Variants in REXO5 observed in about 807,000 individuals in gnomAD.
The protein encoded by REXO5 is exonuclease NEF-sp.
In REXO5, 48 loss-of-function variants were observed where a neutral mutation model predicts 88.5. The observed-to-expected ratio is 0.54, with a 90% confidence interval of 0.43 to 0.69. The LOEUF (loss-of-function observed/expected upper bound fraction) is 0.69, where lower values mean the gene tolerates loss of function less well. REXO5 is among the 30% of genes least tolerant of loss of function. REXO5 has a pLI of 0.00. For synonymous variants in REXO5, 311 were observed against 336.5 expected, an observed-to-expected ratio of 0.92 and a Z score of 0.83; for missense variants, 749 against 912.2, an observed-to-expected ratio of 0.82 and a Z score of 2.30.
At chr16:20,807,767 A>AC (rs943260472) in intron 2 of REXO5, among the ~76,000 whole-genome samples, 5 of 151,858 alleles carry the variant, frequency 3.3e-5, no homozygotes, top group South Asian at 2.1e-4. Flanking sequence ...ACAAAACAAA[A>AC]AAAAAACTGC....
intron 13 of REXO5, among the ~76,000 whole-genome samples, chr16:20,834,809 T>G (rs1316112976): frequency 6.6e-6 from 1 of 152,232 alleles, no homozygotes; most frequent in Non-Finnish European, 1.5e-5. Flanking sequence ...TGTTCTATTT[T>G]GTATCTTCCA....
chr16:20,815,542 A>AC (rs1567384668), intron 4 of REXO5, among the ~76,000 whole-genome samples: 1 of 85,196 alleles, frequency 1.2e-5, no homozygotes, highest in African/African-American at 3.4e-5. Context: ...CTGGGTCACC[A>AC]TTTTTTTTGC....
chr16:20,843,252 A>C (rs1437138594), intron 15 of REXO5, among the ~76,000 whole-genome samples: 1 of 151,532 alleles, frequency 6.6e-6, no homozygotes, highest in Non-Finnish European at 1.5e-5. Flanking sequence ...GAATTGTAGG[A>C]TTTCTCTGTA....
At position 20,828,438 on chromosome 16, in the gene REXO5, G is replaced by T. The variant is rs892241853; in HGVS notation, c.1059G>T (p.Lys353Asn). 6.2e-7 allele frequency: 1 copy of T among 1,606,914 alleles called. No individual in the cohort carries two copies. The highest frequency in any genetic ancestry group is 1.3e-5 in the African/African-American group (1 of 74,906). Residue 353 changes from lysine to asparagine, a missense_variant, in exon 11 of 20, where the codon AAG becomes AAT. Physicochemically the swap from Lys to Asn is moderately conservative, Grantham distance 94 (BLOSUM62 0). Transcript: ENST00000261377. Reference protein sequence around the residue: ...LKFLAKVILGKDIQCPDRLGH... With the variant: ...LKFLAKVILGNDIQCPDRLGH... ...CAATTTTATATTGACTTTCCAGGAA[G>T]GATATACAGTGTCCAGACAGACTTG...
chr16:20,833,222 C>G (rs778153809), intron 13 of REXO5, 99 bp downstream of exon 13: 41 of 1,288,752 alleles, frequency 3.2e-5, no homozygotes, highest in Non-Finnish European at 4.1e-5. Context: ...CATCAGCAAC[C>G]CTGGCTACAG....
At position 20,816,218 on chromosome 16, in the gene REXO5, G is replaced by C. The variant is rs1375884957; in HGVS notation, c.475+6G>C. The C allele has an allele frequency of 6.2e-7, 1 of 1,602,630 alleles. No homozygotes were observed. Among genetic ancestry groups the C allele is most frequent in the Non-Finnish European group, 8.5e-7 (1 of 1,170,172 alleles). ...TCTGCCCAAGACAATGGAAGGTATA[G>C]CTATGATGCTGGTTTGATGCTTTGC... On this transcript the variant is annotated splice_donor_region_variant and intron_variant, in intron 5 of 19. Transcript: ENST00000261377.
Position 20,816,230 on chromosome 16 carries a change from G to A in REXO5, c.475+18G>A. 6.3e-7 allele frequency: 1 copy of A among 1,579,846 alleles called. No individual in the cohort carries two copies. Among genetic ancestry groups the A allele is most frequent in the Non-Finnish European group, 8.7e-7 (1 of 1,150,578 alleles). ...AATGGAAGGTATAGCTATGATGCTG[G>A]TTTGATGCTTTGCTCACTCTAAAAG... is the stretch of plus-strand genomic sequence containing the variant. On this transcript the variant is annotated intron_variant, in intron 5 of 19. Coordinates refer to ENST00000261377, the MANE Select transcript of REXO5 (RefSeq NM_030941.3).
chr16:20,833,142 C>T lies in REXO5; in HGVS notation c.1383+19C>T. The T allele has an allele frequency of 6.2e-7, 1 of 1,610,254 alleles. No homozygotes were observed. Among genetic ancestry groups the T allele is most frequent in the Non-Finnish European group, 8.5e-7 (1 of 1,177,510 alleles). On this transcript the variant is annotated intron_variant, in intron 13 of 19. Transcript: ENST00000261377. Reference sequence around the variant, plus strand: ...TAAAGAGGTGAGTGGCCTGCTGAACCTTTGCAGGTTATATTCAAAGCAGAG... The same window carrying T: ...TAAAGAGGTGAGTGGCCTGCTGAACTTTTGCAGGTTATATTCAAAGCAGAG...
rs2081660578 is a variant in REXO5 at position 20,849,498 on chromosome 16, C to G, written c.*18C>G. ...GTTCGTGAGTCGGCCTGCCATGTTT[C>G]CATGTGCCATTTCTTACCCCTTGTA... is the stretch of plus-strand genomic sequence containing the variant. On this transcript the variant is annotated 3_prime_UTR_variant, in exon 20 of 20. Coordinates refer to ENST00000261377, the MANE Select transcript of REXO5 (RefSeq NM_030941.3). 1 of 1,612,288 alleles carries G rather than the reference C, an allele frequency of 6.2e-7. No individual in the cohort carries two copies. The highest frequency in any genetic ancestry group is 1.3e-5 in the African/African-American group (1 of 74,894).
At chr16:20,826,476 G>A (rs991639148) in intron 8 of REXO5, among the ~76,000 whole-genome samples, 37 of 152,290 alleles carry the variant, frequency 2.4e-4, no homozygotes, top group Non-Finnish European at 7.3e-5. Context: ...ATCCGTTGAC[G>A]TGGCACCAGT....
At position 20,845,992 on chromosome 16, in the gene REXO5, A is replaced by T. The variant is rs201579922; in HGVS notation, c.2125-229A>T. 1.8e-4 allele frequency among the ~76,000 whole-genome samples: 27 copies of T among 152,282 alleles called. No individual in the cohort carries two copies. The East Asian group carries it at 4.1e-3, about 23-fold the overall frequency. On this transcript the variant is annotated intron_variant, in intron 18 of 19. Transcript: ENST00000261377. Reference sequence around the variant, plus strand: ...GGGTCTTGGAAGACCCATGTGGAGGAAAGGACAGTAGCTGTCCTCCCCTGA... The same window carrying T: ...GGGTCTTGGAAGACCCATGTGGAGGTAAGGACAGTAGCTGTCCTCCCCTGA...
Position 20,839,930 on chromosome 16 carries a change from A to G in REXO5, c.1488+71A>G, listed in dbSNP as rs2152511122. 8 of 885,176 alleles carry G rather than the reference A, an allele frequency of 9.0e-6. No homozygotes were observed. In the South Asian group the frequency reaches 1.1e-4, roughly 12 times the overall value. 54.8% of individuals were successfully genotyped at this position (885,176 alleles called of 1,614,324 possible). On this transcript the variant is annotated intron_variant, in intron 14 of 19. Transcript: ENST00000261377. ...TAACCTCTCATCATTAAGGAAAGTA[A>G]TACATGCTTTATTTAATTTGTTGTG...
intron 13 of REXO5, among the ~76,000 whole-genome samples, chr16:20,837,672 T>C (rs949369911): frequency 2.6e-5 from 4 of 152,200 alleles, no homozygotes; most frequent in East Asian, 1.9e-4. Flanking sequence ...TAGACCGTAA[T>C]GTTAACTGTA....
In REXO5 at chr16:20,816,123, GC is replaced by G; in HGVS notation, c.387del (p.Leu130CysfsTer9). ...CTGTTAATATATTTTCAGAAATTCC[GC>G]TTGCCTCCACCATCATCTGATTTTC... The part of the protein sequence containing the change: ...CLRKAFRHKF[R>X]LPPPSSDFLA... On this transcript the variant is annotated frameshift_variant, in exon 5 of 20. Coordinates refer to ENST00000261377, the MANE Select transcript of REXO5 (RefSeq NM_030941.3). LOFTEE classifies it high-confidence loss of function. 6.2e-7 allele frequency: 1 copy of G among 1,613,454 alleles called. No homozygotes were observed.
chr16:20,849,603 A>C lies in REXO5; in HGVS notation c.*123A>C. The C allele has an allele frequency of 1.3e-6, 1 of 796,578 alleles. No individual in the cohort carries two copies. Among genetic ancestry groups the C allele is most frequent in the Non-Finnish European group, 2.1e-6 (1 of 475,010 alleles). The allele number at this position is 796,578 out of a possible 1,614,324, so 49.3% of individuals were successfully genotyped here. A position where few individuals can be genotyped will look rare whatever the true frequency, so the allele number is the denominator to read the frequency against. ...TATGGAAACTTGGTATAGCAGCTAAAAGAGTTTAGTTTGTTTATATGGCAT... is the reference window on the plus strand; with the variant it reads ...TATGGAAACTTGGTATAGCAGCTAACAGAGTTTAGTTTGTTTATATGGCAT... On this transcript the variant is annotated 3_prime_UTR_variant, in exon 20 of 20. Coordinates refer to ENST00000261377, the MANE Select transcript of REXO5 (RefSeq NM_030941.3).
At chr16:20,840,552 T>C in intron 15 of REXO5, 84 bp downstream of exon 15, 1 of 1,235,324 alleles carries the variant, frequency 8.1e-7, no homozygotes, top group South Asian at 2.0e-5. Flanking sequence ...ATAGCAAATA[T>C]TCGTAAAGTA....
At chr16:20,835,455 C>A (rs1323364128) in intron 13 of REXO5, among the ~76,000 whole-genome samples, 1 of 152,140 alleles carries the variant, frequency 6.6e-6, no homozygotes, top group African/African-American at 2.4e-5. Flanking sequence ...TTAGCCCTTG[C>A]GATTGTTTCC....
chr16:20,806,919 G>GTTTCCCCAGCTCTACCTCATC (rs1567376097), intron 1 of REXO5, 33 bp from the exon 2 acceptor site: 1 of 1,555,720 alleles, frequency 6.4e-7, no homozygotes, highest in African/African-American at 1.4e-5. Flanking sequence ...GGGCGCTGGA[G>GTTTCCCCAGCTCTACCTCATC]TTTCCCCAGC....
chr16:20,814,372 G>C (rs933166127), intron 3 of REXO5, among the ~76,000 whole-genome samples: 1 of 152,076 alleles, frequency 6.6e-6, no homozygotes, highest in South Asian at 2.1e-4. Flanking sequence ...GAGTAGCTAG[G>C]ATTGTAGGCT....
Sources: allele counts gnomAD v4.1 joint callset (sites outside exome capture counted in the v4.1 genomes callset), GRCh38; gene constraint gnomAD v4.1.1; transcripts MANE v1.5; gene names NCBI Gene and HGNC (gene_info 2026-07-23, HGNC 2026-07-21).